Variants in PLCXD1 observed in about 807,000 individuals in gnomAD.
The protein encoded by PLCXD1 is PI-PLC X domain-containing protein 1.
PLCXD1 carries 45 observed loss-of-function variants against 37.8 expected under a neutral mutation model. The observed-to-expected ratio is 1.19, with a 90% CI of 0.94 to 1.53. The LOEUF is 1.53. Among genes scored for constraint, PLCXD1 ranks in the 40% most tolerant of loss-of-function variants. PLCXD1 has a pLI of 0.00. For synonymous variants in PLCXD1, 246 were observed against 206.9 expected (o/e 1.19, Z -1.62); for missense variants, 539 against 454.7 (o/e 1.19, Z -1.69).
In PLCXD1 at chrX:291,489, C is replaced by G. The variant is rs754852976; in HGVS notation, c.394-10C>G. On this transcript the variant is annotated splice_polypyrimidine_tract_variant and intron_variant, in intron 4 of 6. Transcript: ENST00000381657. The stretch of plus-strand genomic sequence containing the variant: ...TCGTGCAGGACTCAGCCCAGCACCC[C>G]CCTCCCCAGGACACACTCACGGAAA... The G allele has an allele frequency of 4.6e-5, 74 of 1,612,078 alleles. No homozygotes were observed. Among genetic ancestry groups the G allele is most frequent in the East Asian group, 1.8e-4 (8 of 44,866 alleles).
chrX:289,837 C>G (rs7472220), intron 3 of PLCXD1, among the ~76,000 whole-genome samples: 34,184 of 151,838 alleles, frequency 0.23, 3,988 homozygotes, highest in African/African-American at 0.26. Flanking sequence ...TGCCTGCACT[C>G]AAGACAGACA....
At chrX:294,730 G>C (rs988291478) in intron 6 of PLCXD1, among the ~76,000 whole-genome samples, 2 of 152,050 alleles carry the variant, frequency 1.3e-5, no homozygotes, top group African/African-American at 4.8e-5. Flanking sequence ...CTTGAACCAG[G>C]AAGGCGGAGG....
At position 299,208 on chromosome X, in the gene PLCXD1, C is replaced by A. The variant is rs1406651091; in HGVS notation, c.845C>A (p.Ala282Glu). The change falls in exon 7 of 7, where the codon GCG becomes GAG. Residue 282 changes from alanine to glutamate, a missense_variant. By Grantham distance (107) the Ala-to-Glu change is moderately radical (BLOSUM62 -1). Coordinates refer to ENST00000381657, the MANE Select transcript of PLCXD1 (RefSeq NM_018390.4). ...CTGCCCAACCTTCCGCGGCTGAGCG[C>A]GTGGGTCCGAGAGCAGTGCCCGGGG... ...MTLPNLPRLS[A>E]WVREQCPGPG... 3 of 1,613,908 alleles carry A rather than the reference C, an allele frequency of 1.9e-6. No homozygotes were observed. The Admixed American group carries it at 5.0e-5, about 27-fold the overall frequency.
intron 2 of PLCXD1, among the ~76,000 whole-genome samples, chrX:285,119 T>C (rs1302110766): frequency 3.1e-5 from 3 of 95,538 alleles, no homozygotes; most frequent in Admixed American, 1.0e-4. Flanking sequence ...CACACACACA[T>C]GCATGCGCAC....
intron 3 of PLCXD1, among the ~76,000 whole-genome samples, chrX:289,454 G>A (rs2124354234): frequency 6.6e-6 from 1 of 151,904 alleles, no homozygotes; most frequent in South Asian, 2.1e-4. Context: ...GAGCTGCAGA[G>A]GGAGAGGGTC....
chrX:283,316 A>AC (rs1376634622), intron 1 of PLCXD1: 3 of 150,084 alleles, frequency 2.0e-5, no homozygotes, highest in Non-Finnish European at 4.4e-5. Flanking sequence ...CTGGACTGAG[A>AC]CAGAGGGACG....
At position 287,706 on chromosome X, in the gene PLCXD1, A is replaced by G. The variant is rs971182133; in HGVS notation, c.128-1027A>G. Among the ~76,000 whole-genome samples the G allele has an allele frequency of 2.1e-5, 3 of 145,438 alleles. No individual in the cohort carries two copies. In the Admixed American group the frequency reaches 2.1e-4, roughly 10 times the overall value. ...TTGTTTATAGATATAGATACTATAT[A>G]TGTTTATATATAGATATATGTCATA... On this transcript the variant is annotated intron_variant, in intron 2 of 6. Coordinates refer to ENST00000381657, the MANE Select transcript of PLCXD1 (RefSeq NM_018390.4).
chrX:293,823 C>T (rs1184907555), intron 6 of PLCXD1, among the ~76,000 whole-genome samples: 1 of 152,128 alleles, frequency 6.6e-6, no homozygotes, highest in African/African-American at 2.4e-5. Context: ...CCAGAACATG[C>T]CAATCCAGAG....
At position 289,018 on chromosome X, in the gene PLCXD1, A is replaced by G. The variant is rs760506292; in HGVS notation, c.264+149A>G. The G allele has an allele frequency of 9.7e-6, 7 of 722,124 alleles. No individual in the cohort carries two copies. The East Asian group carries it at 1.6e-4, about 16-fold the overall frequency. The allele number at this position is 722,124 out of a possible 1,614,324, so 44.7% of individuals were successfully genotyped here. On this transcript the variant is annotated intron_variant, in intron 3 of 6. Transcript: ENST00000381657. The stretch of plus-strand genomic sequence containing the variant: ...AGGTTCCTATCCCAGCTGCGGAGAC[A>G]GGATTAAAACAAAACCTGCTGCCCA...
chrX:295,080 G>C (rs1029016168), intron 6 of PLCXD1, among the ~76,000 whole-genome samples: 4 of 148,664 alleles, frequency 2.7e-5, no homozygotes, highest in Non-Finnish European at 5.9e-5. Flanking sequence ...TGAGGCAGGA[G>C]AATTGCTTGA....
chrX:290,721 G>A lies in PLCXD1; in HGVS notation c.338G>A (p.Gly113Asp). The change falls in exon 4 of 7, where the codon GGC (glycine) becomes GAC (aspartate). Residue 113 changes from glycine (G) to aspartate (D), a missense_variant. Physicochemically the swap from Gly to Asp is moderately conservative, Grantham distance 94. Coordinates refer to ENST00000381657, the MANE Select transcript of PLCXD1 (RefSeq NM_018390.4). Reference protein sequence around the residue: ...LDLRIAHMLEGSEKNLHFVHM... With the variant: ...LDLRIAHMLEDSEKNLHFVHM... Reference sequence around the variant, plus strand: ...CTGCGGATAGCCCACATGCTGGAGGGCTCGGAGAAGAACCTGCACTTTGTC... The same window carrying A: ...CTGCGGATAGCCCACATGCTGGAGGACTCGGAGAAGAACCTGCACTTTGTC... 6.2e-7 allele frequency: 1 copy of A among 1,613,848 alleles called. No individual in the cohort carries two copies. The highest frequency in any genetic ancestry group is 8.5e-7 in the Non-Finnish European group (1 of 1,179,818).
At chrX:296,718 C>T (rs2069820024) in intron 6 of PLCXD1, among the ~76,000 whole-genome samples, 1 of 152,124 alleles carries the variant, frequency 6.6e-6, no homozygotes, top group Admixed American at 6.5e-5. Context: ...AAGACAACAG[C>T]ATTCTTCCTG....
intron 3 of PLCXD1, among the ~76,000 whole-genome samples, chrX:290,388 C>T (rs1243654895): frequency 6.6e-6 from 1 of 150,504 alleles, no homozygotes; most frequent in Non-Finnish European, 1.5e-5. Flanking sequence ...CCAGATTGCA[C>T]CACTGCACTC....
Position 294,298 on chromosome X carries a change from T to A in PLCXD1, c.733+1080T>A, listed in dbSNP as rs187569921. On this transcript the variant is annotated intron_variant, in intron 6 of 6. Coordinates refer to ENST00000381657, the MANE Select transcript of PLCXD1 (RefSeq NM_018390.4). ...GAGATCGAGACCATCCCGGCTAACA[T>A]GGAGAAACCCCGTCTCTACTAAAAA... Among the ~76,000 whole-genome samples, 233 of 151,930 alleles carry A rather than the reference T, an allele frequency of 1.5e-3. 1 individual carries two copies. The East Asian group carries it at 0.022, about 14-fold the overall frequency.
At chrX:282,898 T>C (rs760182053) in intron 1 of PLCXD1, among the ~76,000 whole-genome samples, 1 of 146,032 alleles carries the variant, frequency 6.8e-6, no homozygotes, top group Non-Finnish European at 1.5e-5. Flanking sequence ...GTTATATATG[T>C]CTATATTATA....
chrX:292,747 G>A (rs2069676481), intron 5 of PLCXD1, among the ~76,000 whole-genome samples: 1 of 151,838 alleles, frequency 6.6e-6, no homozygotes, highest in South Asian at 2.1e-4. Flanking sequence ...TGACTAGCCG[G>A]GATGACAGGC....
intron 6 of PLCXD1, among the ~76,000 whole-genome samples, chrX:294,264 T>A (rs375232954): frequency 6.6e-6 from 1 of 151,894 alleles, no homozygotes; most frequent in Non-Finnish European, 1.5e-5. Flanking sequence ...GGGCGGATCA[T>A]GAGGTCAGGA....
At chrX:295,879 T>C (rs2069790423) in intron 6 of PLCXD1, among the ~76,000 whole-genome samples, 1 of 151,906 alleles carries the variant, frequency 6.6e-6, no homozygotes, top group South Asian at 2.1e-4. Flanking sequence ...TTGCTCTTGT[T>C]GCCCAGGCTA....
At chrX:291,466 G>C (rs201193975) in intron 4 of PLCXD1, 33 bp from the exon 5 acceptor site, 8 of 1,610,800 alleles carry the variant, frequency 5.0e-6, no homozygotes, top group Non-Finnish European at 6.8e-6. Flanking sequence ...TGTTGGAGTC[G>C]TGCAGGACTC....
Sources: gnomAD v4.1 joint callset for allele counts (sites outside exome capture counted in the v4.1 genomes callset) on GRCh38, gnomAD v4.1.1 for gene constraint, MANE v1.5 for transcripts, NCBI Gene and HGNC (gene_info 2026-07-23, HGNC 2026-07-21) for gene names.